ANKS1A: variants seen among roughly 807,000 people sequenced by gnomAD.
The protein encoded by ANKS1A is ankyrin repeat and sterile alpha motif domain containing 1A, also known as ankyrin repeat and SAM domain-containing protein 1A.
A neutral mutation model predicts 120.3 loss-of-function variants in ANKS1A; 55 were observed. The observed-to-expected ratio is 0.46, with a 90% confidence interval of 0.37 to 0.57. The LOEUF (loss-of-function observed/expected upper bound fraction) is 0.57. ANKS1A is among the 20% of genes least tolerant of loss of function. The pLI is 0.00. For missense variants in ANKS1A, 1,123 were observed against 1,480.3 expected (o/e 0.76, Z 3.96); for synonymous variants, 590 against 604.7 (o/e 0.98, Z 0.36).
chr6:34,966,333 T>G (rs998128380), intron 1 of ANKS1A, among the ~76,000 whole-genome samples: 11 of 152,192 alleles, frequency 7.2e-5, no homozygotes, highest in African/African-American at 2.7e-4. Flanking sequence ...AAAACTATTA[T>G]CTCCATAGAT....
At chr6:34,950,213 C>T (rs976470142) in intron 1 of ANKS1A, among the ~76,000 whole-genome samples, 1,885 of 133,774 alleles carry the variant, frequency 0.014, 25 homozygotes, top group Non-Finnish European at 0.017. Context: ...AGAGGTTTTT[C>T]TTTTCTCTCT....
At chr6:34,952,078 G>A (rs1581739825) in intron 1 of ANKS1A, among the ~76,000 whole-genome samples, 1 of 152,154 alleles carries the variant, frequency 6.6e-6, no homozygotes, top group African/African-American at 2.4e-5. Context: ...ATGGCATGGT[G>A]GTGAAGATTT....
At chr6:34,945,158 C>T (rs983700363) in intron 1 of ANKS1A, among the ~76,000 whole-genome samples, 1 of 152,316 alleles carries the variant, frequency 6.6e-6, no homozygotes, top group African/African-American at 2.4e-5. Flanking sequence ...TTACTGCAGC[C>T]TTGACCTCCC....
intron 1 of ANKS1A, among the ~76,000 whole-genome samples, chr6:34,946,979 ACT>A (rs1292319942): frequency 3.9e-5 from 6 of 152,162 alleles, no homozygotes; most frequent in Non-Finnish European, 8.8e-5. Context: ...TCTCATGCTA[ACT>A]CTGTGTGCTT....
chr6:35,094,525 T>A (rs1778401284), downstream of ANKS1A, among the ~76,000 whole-genome samples: 1 of 150,442 alleles, frequency 6.6e-6, no homozygotes, highest in Non-Finnish European at 1.5e-5. Context: ...CATAAGAAAG[T>A]TTCAACAAAT....
intron 11 of ANKS1A, among the ~76,000 whole-genome samples, chr6:35,019,569 A>G (rs895486446): frequency 6.6e-6 from 1 of 152,186 alleles, no homozygotes; most frequent in African/African-American, 2.4e-5. Flanking sequence ...CCTGTGCTAG[A>G]TGCCTGGCCA....
chr6:34,905,737 C>T (rs1767618218), intron 1 of ANKS1A, among the ~76,000 whole-genome samples: 1 of 152,118 alleles, frequency 6.6e-6, no homozygotes, highest in African/African-American at 2.4e-5. Context: ...AATCTTCTCT[C>T]CCTCTTTCAT....
At chr6:34,893,755 C>T (rs1038815541) in intron 1 of ANKS1A, among the ~76,000 whole-genome samples, 6 of 152,244 alleles carry the variant, frequency 3.9e-5, no homozygotes, top group Middle Eastern at 3.4e-3. Flanking sequence ...CATAATTTAT[C>T]CTACCTCCCG....
chr6:35,052,011 T>C (rs946776465), intron 11 of ANKS1A, among the ~76,000 whole-genome samples: 1 of 152,148 alleles, frequency 6.6e-6, no homozygotes, highest in African/African-American at 2.4e-5. Flanking sequence ...ATCCTCATTT[T>C]TATCCATTTT....
chr6:34,942,129 T>C lies in ANKS1A; in HGVS notation c.198-25110T>C, dbSNP rs575432098. 7.9e-5 allele frequency among the ~76,000 whole-genome samples: 12 copies of C among 152,326 alleles called. 1 individual carries two copies. The South Asian group carries it at 2.3e-3, about 29-fold the overall frequency. ...TATTATGTTTCATTTGCTTTCATAGTTTTTTGAGGATAGCTTAATAATCGG... is the reference window on the plus strand; with the variant it reads ...TATTATGTTTCATTTGCTTTCATAGCTTTTTGAGGATAGCTTAATAATCGG... On this transcript the variant is annotated intron_variant, in intron 1 of 23. Transcript: ENST00000360359.
At chr6:34,920,697 G>A (rs574880106) in intron 1 of ANKS1A, among the ~76,000 whole-genome samples, 11 of 152,272 alleles carry the variant, frequency 7.2e-5, no homozygotes, top group African/African-American at 2.6e-4. Flanking sequence ...ATTATGTAAA[G>A]TTCCTAAGGA....
chr6:35,014,387 T>G (rs1469743023), intron 10 of ANKS1A, among the ~76,000 whole-genome samples: 1 of 152,258 alleles, frequency 6.6e-6, no homozygotes, highest in Non-Finnish European at 1.5e-5. Flanking sequence ...TCTAATAGGA[T>G]TATGACCCTC....
At chr6:34,974,225 C>T (rs1581578072) in intron 3 of ANKS1A, among the ~76,000 whole-genome samples, 1 of 16,834 alleles carries the variant, frequency 5.9e-5, no homozygotes, top group Non-Finnish European at 1.1e-4. Context: ...TCCCCTTCCC[C>T]TTCTCCTTCC....
rs765405017 is a variant in ANKS1A at position 34,989,256 on chromosome 6, G to A, written c.1242G>A (p.Pro414=). Residue 414 remains proline (P), a synonymous_variant, in exon 9 of 24, where the codon CCG becomes CCA. Coordinates refer to ENST00000360359, the MANE Select transcript of ANKS1A (RefSeq NM_015245.3). ...RERPPPPAKP[P]PDEEEEDHID... ...GTCCACCACCTCCAGCAAAGCCACC[G>A]CCCGATGAAGAGGAAGAAGACCACA... 21 of 1,613,910 alleles carry A rather than the reference G, an allele frequency of 1.3e-5. No homozygotes were observed. Among genetic ancestry groups the A allele is most frequent in the African/African-American group, 1.2e-4 (9 of 75,020 alleles).
intron 13 of ANKS1A, among the ~76,000 whole-genome samples, chr6:35,074,624 C>T (rs820063): frequency 0.8 from 122,062 of 152,108 alleles, 49,892 homozygotes; most frequent in South Asian, 0.92. Flanking sequence ...CAACAGCAGA[C>T]GTTAGATTTG....
intron 23 of ANKS1A, 21 bp from the exon 24 acceptor site, chr6:35,088,585 C>T: frequency 1.2e-6 from 2 of 1,614,200 alleles, no homozygotes; most frequent in Non-Finnish European, 1.7e-6. Context: ...TTTCCTCCCC[C>T]CATTGTTTGC....
chr6:34,924,090 C>CGTGTGTGTGT (rs71794086), intron 1 of ANKS1A, among the ~76,000 whole-genome samples: 3,466 of 143,204 alleles, frequency 0.024, 74 homozygotes, highest in Middle Eastern at 0.043. Context: ...GGGGCTTTTT[C>CGTGTGTGTGT]GTGTGTGTGT....
Position 34,889,796 on chromosome 6 carries a change from G to A in ANKS1A, c.197+197G>A, listed in dbSNP as rs1344937087. Among the ~76,000 whole-genome samples the A allele has an allele frequency of 1.3e-5, 2 of 152,068 alleles. No homozygotes were observed. The highest frequency in any genetic ancestry group is 6.5e-5 in the Admixed American group (1 of 15,276). On this transcript the variant is annotated intron_variant, in intron 1 of 23. Transcript: ENST00000360359. The surrounding 1 kb of genome is among the most constrained non-coding windows in gnomAD (Gnocchi z 5.5). ...AGTCCACGCTGCTCCGGGCTCGCCT[G>A]GTCTCCCGTTCTGACCCGGCTGCGA...
Position 35,089,649 on chromosome 6 carries a change from C to T in ANKS1A, c.*1040C>T. On this transcript the variant is annotated 3_prime_UTR_variant, in exon 24 of 24. Transcript: ENST00000360359. The stretch of plus-strand genomic sequence containing the variant: ...GTGTGGAAAAGGCTAAATAAGGTGA[C>T]AGTGCATCGATGCTCCCCCGCGTGG... 2.0e-6 allele frequency: 2 copies of T among 988,202 alleles called. No homozygotes were observed. The highest frequency in any genetic ancestry group is 2.4e-6 in the Non-Finnish European group (2 of 831,566). The allele number at this position is 988,202 out of a possible 1,614,324, so 61.2% of individuals were successfully genotyped here. A position where few individuals can be genotyped will look rare whatever the true frequency, so the allele number is the denominator to read the frequency against.
Sources: gnomAD v4.1 joint callset for allele counts (sites outside exome capture counted in the v4.1 genomes callset) on GRCh38, gnomAD v4.1.1 for gene constraint, Gnocchi (gnomAD v3.1) non-coding constraint, MANE v1.5 for transcripts, NCBI Gene and HGNC (gene_info 2026-07-23, HGNC 2026-07-21) for gene names.